MAGI2: variants seen among roughly 807,000 people sequenced by gnomAD.
MAGI2 encodes membrane-associated guanylate kinase, WW and PDZ domain-containing protein 2.
A neutral mutation model predicts 133.3 loss-of-function variants in MAGI2; 35 were observed. The ratio of observed to expected loss-of-function variants is 0.26; its 90% CI spans 0.20 to 0.35. MAGI2 has a LOEUF of 0.35. Among genes scored for constraint, MAGI2 ranks in the 10% least tolerant of loss-of-function variants. The pLI is 1.00. For synonymous variants in MAGI2, 729 were observed against 710.6 expected, an observed-to-expected ratio of 1.03 and a Z score of -0.41; for missense variants, 1,636 against 1,863.4, an observed-to-expected ratio of 0.88 and a Z score of 2.25.
intron 4 of MAGI2, among the ~76,000 whole-genome samples, chr7:78,513,116 T>A (rs916789896): frequency 2.0e-5 from 3 of 152,086 alleles, no homozygotes; most frequent in African/African-American, 4.8e-5. Flanking sequence ...TCTTAGAGCT[T>A]GCCTTCAATT....
chr7:78,419,485 A>G (rs1798601399), intron 6 of MAGI2, among the ~76,000 whole-genome samples: 1 of 152,086 alleles, frequency 6.6e-6, no homozygotes, highest in Admixed American at 6.6e-5. Context: ...CTACCCACCC[A>G]AATCTTTGAT....
intron 2 of MAGI2, among the ~76,000 whole-genome samples, chr7:78,833,452 T>C (rs1280856250): frequency 6.6e-6 from 1 of 152,160 alleles, no homozygotes; most frequent in South Asian, 2.1e-4. Flanking sequence ...ATCTTGTGTG[T>C]GTCTATTATT....
chr7:79,073,563 T>C lies in MAGI2; in HGVS notation c.302-66357A>G, dbSNP rs986926620. Among the ~76,000 whole-genome samples, 6 of 152,172 alleles carry C rather than the reference T, an allele frequency of 3.9e-5. 1 individual carries two copies. The highest frequency in any genetic ancestry group is 2.0e-4 in the Admixed American group (3 of 15,262). ...TGCCAACTCCATTCTCCTCACACTT[T>C]TATCTTTTACAAGGACTACTGCAGA... On this transcript the variant is annotated intron_variant, in intron 1 of 21. Transcript: ENST00000354212.
chr7:79,039,323 TTTTTATTAAAA>T (rs1387536793), intron 1 of MAGI2, among the ~76,000 whole-genome samples: 1 of 152,188 alleles, frequency 6.6e-6, no homozygotes, highest in Admixed American at 6.5e-5. Context: ...ATTAAACCTC[TTTTTATTAAAA>T]TAAATAAATA....
chr7:79,039,584 G>A (rs921684345), intron 1 of MAGI2, among the ~76,000 whole-genome samples: 1 of 151,414 alleles, frequency 6.6e-6, no homozygotes, highest in African/African-American at 2.4e-5. Flanking sequence ...CTACAGAATA[G>A]GAGAAAATAT....
intron 21 of MAGI2, among the ~76,000 whole-genome samples, chr7:78,075,738 T>C (rs901261962): frequency 1.3e-5 from 2 of 152,136 alleles, no homozygotes; most frequent in East Asian, 3.9e-4. Flanking sequence ...TCCTAGAAAA[T>C]CTCTAAATGT....
intron 1 of MAGI2, among the ~76,000 whole-genome samples, chr7:79,094,746 G>A (rs960518557): frequency 6.6e-6 from 1 of 152,204 alleles, no homozygotes; most frequent in Non-Finnish European, 1.5e-5. Flanking sequence ...GTGACAAGGT[G>A]TATTGTCAAT....
At chr7:78,068,512 G>T (rs1331860926) in intron 21 of MAGI2, among the ~76,000 whole-genome samples, 1 of 152,042 alleles carries the variant, frequency 6.6e-6, no homozygotes, top group Non-Finnish European at 1.5e-5. Context: ...GATCATGGGG[G>T]TGGCTGTGCA....
chr7:78,231,727 T>C lies in MAGI2; in HGVS notation c.2047+24216A>G, dbSNP rs574250996. On this transcript the variant is annotated intron_variant, in intron 10 of 21. Transcript: ENST00000354212. ...TAAACAAGCTCTCTTTTCCCTCACT[T>C]GATCCTTTTCCCTTTGTTGGACACA... is the stretch of plus-strand genomic sequence containing the variant. Among the ~76,000 whole-genome samples, 9 of 152,256 alleles carry C rather than the reference T, an allele frequency of 5.9e-5. No individual in the cohort carries two copies. The South Asian group carries it at 1.7e-3, about 28-fold the overall frequency.
chr7:78,475,719 T>C (rs1791677798), intron 6 of MAGI2, among the ~76,000 whole-genome samples: 1 of 150,506 alleles, frequency 6.6e-6, no homozygotes, highest in African/African-American at 2.4e-5. Context: ...AAAAAGAGAG[T>C]CATCAGCATC....
chr7:78,495,029 T>C (rs1793957889), intron 5 of MAGI2, among the ~76,000 whole-genome samples: 1 of 152,210 alleles, frequency 6.6e-6, no homozygotes, highest in Non-Finnish European at 1.5e-5. Context: ...ACTCAAAATG[T>C]CTGTGGATGA....
rs777189267 is a variant in MAGI2, at chr7:78,019,991, C to T, written c.3707-15G>A. ...GGCGGGTTCGTCTGTGGACGGGAAG[C>T]ACAGGCGTTAGCAGTGGCGCACGCA... On this transcript the variant is annotated splice_polypyrimidine_tract_variant and intron_variant, in intron 21 of 21. Coordinates refer to ENST00000354212, the MANE Select transcript of MAGI2 (RefSeq NM_012301.4). 6 of 1,593,264 alleles carry T rather than the reference C, an allele frequency of 3.8e-6. No individual in the cohort carries two copies. Among genetic ancestry groups the T allele is most frequent in the Admixed American group, 3.5e-5 (2 of 56,732 alleles).
intron 1 of MAGI2, among the ~76,000 whole-genome samples, chr7:79,342,739 T>TTTTA (rs145072959): frequency 0.36 from 53,830 of 151,322 alleles, 10,629 homozygotes; most frequent in African/African-American, 0.53. Context: ...CTTTATCTTA[T>TTTTA]TTTATTTATT....
At chr7:78,805,065 C>CA (rs1211591367) in intron 2 of MAGI2, among the ~76,000 whole-genome samples, 142 of 144,672 alleles carry the variant, frequency 9.8e-4, no homozygotes, top group Admixed American at 2.6e-3. Context: ...GACTCTGTCT[C>CA]AAAAAAAAAT....
At chr7:78,973,893 G>C (rs1482383151) in intron 2 of MAGI2, among the ~76,000 whole-genome samples, 1 of 151,670 alleles carries the variant, frequency 6.6e-6, no homozygotes, top group Non-Finnish European at 1.5e-5. Context: ...CTCTACTTTT[G>C]AATATCTAAG....
intron 1 of MAGI2, among the ~76,000 whole-genome samples, chr7:79,198,475 C>G (rs139483084): frequency 6.6e-6 from 1 of 151,858 alleles, no homozygotes; most frequent in Admixed American, 6.6e-5. Flanking sequence ...TGCTTGTCAC[C>G]TTGGCAATGC....
At chr7:78,577,396 G>T (rs903803614) in intron 3 of MAGI2, among the ~76,000 whole-genome samples, 2 of 152,090 alleles carry the variant, frequency 1.3e-5, no homozygotes, top group Admixed American at 6.5e-5. Context: ...TTATATATTT[G>T]AAATAAGCAA....
At chr7:78,458,141 C>T (rs1789524208) in intron 6 of MAGI2, among the ~76,000 whole-genome samples, 2 of 151,750 alleles carry the variant, frequency 1.3e-5, no homozygotes, top group Non-Finnish European at 2.9e-5. Context: ...ACTAAAAATA[C>T]AGTAATTAGC....
At position 78,626,086 on chromosome 7, in the gene MAGI2, A is replaced by C. The variant is rs73378263; in HGVS notation, c.538+1034T>G. Among the ~76,000 whole-genome samples, 1,417 of 152,260 alleles carry C rather than the reference A, an allele frequency of 9.3e-3. 19 individuals carry two copies. Among genetic ancestry groups the C allele is most frequent in the African/African-American group, 0.031 (1,288 of 41,534 alleles). Reference sequence around the variant, plus strand: ...CAGCTTATTTGATGATGTTTGGTGAACTTTGCATGTATGATAGGCTAAGCA... The same window carrying C: ...CAGCTTATTTGATGATGTTTGGTGACCTTTGCATGTATGATAGGCTAAGCA... On this transcript the variant is annotated intron_variant, in intron 3 of 21. Transcript: ENST00000354212.
Sources: gnomAD v4.1 joint callset for allele counts (sites outside exome capture counted in the v4.1 genomes callset) on GRCh38, gnomAD v4.1.1 for gene constraint, MANE v1.5 for transcripts, NCBI Gene and HGNC (gene_info 2026-07-23, HGNC 2026-07-21) for gene names.